DYNC1I1: variants seen among roughly 807,000 people sequenced by gnomAD.
DYNC1I1 encodes dynein cytoplasmic 1 intermediate chain 1.
A neutral mutation model predicts 86.6 loss-of-function variants in DYNC1I1; 43 were observed. The observed-to-expected ratio is 0.50, with a 90% CI of 0.39 to 0.64. The LOEUF (loss-of-function observed/expected upper bound fraction) is 0.64. Ranked by LOEUF, DYNC1I1 falls within the 30% of genes least tolerant of loss-of-function variation. The pLI is 0.00. For synonymous variants in DYNC1I1, 262 were observed against 283.7 expected (o/e 0.92, Z 0.77); for missense variants, 604 against 788.8 (o/e 0.77, Z 2.81).
At chr7:96,102,354 C>G (rs115594811), downstream of DYNC1I1, among the ~76,000 whole-genome samples, 1 of 152,188 alleles carries the variant, frequency 6.6e-6, no homozygotes, top group African/African-American at 2.4e-5. Flanking sequence ...ACTAATGTAC[C>G]AGATGCCTTG....
rs574109898 is a variant in DYNC1I1 at position 96,104,059 on chromosome 7, C to T, written c.1543-5920C>T. Among the ~76,000 whole-genome samples the T allele has an allele frequency of 5.3e-5, 8 of 152,214 alleles. No homozygotes were observed. In the South Asian group the frequency reaches 1.5e-3, roughly 28 times the overall value. ...CTGACTAATGATTTTGAGCATGTTT[C>T]GTGTGATTATTGGCCACATTTAATA... On this transcript the variant is annotated intron_variant, in intron 16 of 16. Transcript: ENST00000537881.
intron 10 of DYNC1I1, among the ~76,000 whole-genome samples, chr7:96,025,771 T>A (rs969531964): frequency 6.6e-6 from 1 of 150,696 alleles, no homozygotes; most frequent in Non-Finnish European, 1.5e-5. Context: ...ACTATGTGTT[T>A]CAGTTTTATA....
chr7:95,774,584 C>G (rs1445642599), intron 1 of DYNC1I1, among the ~76,000 whole-genome samples: 1 of 152,214 alleles, frequency 6.6e-6, no homozygotes, highest in Admixed American at 6.5e-5. Context: ...TTCTGACTAA[C>G]TTCGAAGAGA....
At position 95,982,387 on chromosome 7, in the gene DYNC1I1, A is replaced by G. The variant is rs952353178; in HGVS notation, c.581-2428A>G. Among the ~76,000 whole-genome samples, 2 of 152,126 alleles carry G rather than the reference A, an allele frequency of 1.3e-5. 1 individual carries two copies. On this transcript the variant is annotated intron_variant, in intron 7 of 16. Coordinates refer to ENST00000447467, the MANE Select transcript of DYNC1I1 (RefSeq NM_001135556.2). ...ATCTGGAGAGGCTAGTGCTCCACCT[A>G]CCTGAACTTGGCCTCTGCAAGCACA...
chr7:96,104,688 A>G (rs918626614), intron 16 of DYNC1I1, among the ~76,000 whole-genome samples: 3 of 152,264 alleles, frequency 2.0e-5, no homozygotes, highest in South Asian at 4.1e-4. Flanking sequence ...CCATATATGT[A>G]TAGGCATATT....
intron 14 of DYNC1I1, among the ~76,000 whole-genome samples, chr7:96,040,969 G>A (rs1359415258): frequency 6.6e-6 from 1 of 151,998 alleles, no homozygotes; most frequent in Non-Finnish European, 1.5e-5. Context: ...TGATCTGCCC[G>A]CCTTGTCCTG....
chr7:95,801,375 C>A (rs1794574160), intron 1 of DYNC1I1, among the ~76,000 whole-genome samples: 1 of 152,146 alleles, frequency 6.6e-6, no homozygotes, highest in Non-Finnish European at 1.5e-5. Context: ...AAGAAATTTT[C>A]TGAGAATACA....
Position 95,977,548 on chromosome 7 carries a change from T to A in DYNC1I1, c.527T>A (p.Val176Asp). ...GATGAGGAAATGGTGGAATCTAAAG[T>A]TGGCCAGGACTCAGAACTGGAAAAT... Reference protein sequence around the residue: ...EEDEEMVESKVGQDSELENQD... With the variant: ...EEDEEMVESKDGQDSELENQD... Residue 176 changes from valine to aspartate, a missense_variant, in exon 7 of 17, where the codon GTT becomes GAT. Transcript: ENST00000447467. The A allele has an allele frequency of 6.2e-7, 1 of 1,613,476 alleles. No homozygotes were observed. The highest frequency in any genetic ancestry group is 8.5e-7 in the Non-Finnish European group (1 of 1,179,750).
At chr7:96,011,876 A>G (rs1314363025) in intron 10 of DYNC1I1, among the ~76,000 whole-genome samples, 1 of 152,242 alleles carries the variant, frequency 6.6e-6, no homozygotes, top group Non-Finnish European at 1.5e-5. Context: ...AGCTACGGTT[A>G]ATTTAAAGAT....
At chr7:95,839,409 T>C (rs1171590755) in intron 5 of DYNC1I1, among the ~76,000 whole-genome samples, 2 of 152,224 alleles carry the variant, frequency 1.3e-5, no homozygotes, top group African/African-American at 4.8e-5. Context: ...AAATTTATTA[T>C]AGTGAGCTGA....
intron 4 of DYNC1I1, among the ~76,000 whole-genome samples, chr7:95,820,103 G>A (rs889435553): frequency 1.3e-5 from 2 of 152,160 alleles, no homozygotes; most frequent in Non-Finnish European, 2.9e-5. Flanking sequence ...GGGCTCAGGT[G>A]TTAGCCAACA....
At chr7:95,941,512 G>A (rs1366343524) in intron 6 of DYNC1I1, among the ~76,000 whole-genome samples, 4 of 152,148 alleles carry the variant, frequency 2.6e-5, no homozygotes, top group Admixed American at 1.3e-4. Context: ...AATGGCGGGC[G>A]CCCCTCCCCC....
chr7:95,963,521 A>AGCATGAAACTGAAAT (rs1156769333), intron 6 of DYNC1I1, among the ~76,000 whole-genome samples: 1 of 152,210 alleles, frequency 6.6e-6, no homozygotes, highest in Non-Finnish European at 1.5e-5. Flanking sequence ...GACTGAGAAC[A>AGCATGAAACTGAAAT]GGCAAAAAAT....
intron 5 of DYNC1I1, among the ~76,000 whole-genome samples, chr7:95,835,690 CTCT>C (rs1021445502): frequency 6.6e-6 from 1 of 152,074 alleles, no homozygotes; most frequent in African/African-American, 2.4e-5. Flanking sequence ...GGATAGTTAG[CTCT>C]TCTTGTTGAA....
At chr7:95,793,774 C>T (rs1794368356) in intron 1 of DYNC1I1, among the ~76,000 whole-genome samples, 1 of 152,178 alleles carries the variant, frequency 6.6e-6, no homozygotes, top group African/African-American at 2.4e-5. Context: ...GACCAATGTC[C>T]AGGGGCCATC....
At chr7:96,094,597 A>C (rs1790947074) in intron 16 of DYNC1I1, among the ~76,000 whole-genome samples, 1 of 152,196 alleles carries the variant, frequency 6.6e-6, no homozygotes, top group African/African-American at 2.4e-5. Flanking sequence ...GCCAAAAATT[A>C]TTACTTTGGG....
At chr7:95,849,518 G>A (rs1789522395) in intron 5 of DYNC1I1, among the ~76,000 whole-genome samples, 1 of 151,968 alleles carries the variant, frequency 6.6e-6, no homozygotes, top group South Asian at 2.1e-4. Flanking sequence ...AAAAAAAATT[G>A]GTTGGCTGTA....
At position 96,054,070 on chromosome 7, in the gene DYNC1I1, G is replaced by A. The variant is rs867194139; in HGVS notation, c.1509+14649G>A. Among the ~76,000 whole-genome samples the A allele has an allele frequency of 8.5e-5, 13 of 152,184 alleles. No homozygotes were observed. The South Asian group carries it at 1.5e-3, about 17-fold the overall frequency. On this transcript the variant is annotated intron_variant, in intron 14 of 16. Coordinates refer to ENST00000447467, the MANE Select transcript of DYNC1I1 (RefSeq NM_001135556.2). ...AGGTTTGTTATATACACGTGCCATG[G>A]TGGTTTGCTGCACCCATCAACCCGT...
intron 1 of DYNC1I1, among the ~76,000 whole-genome samples, chr7:95,773,712 G>A (rs1468783284): frequency 6.6e-6 from 1 of 152,162 alleles, no homozygotes; most frequent in Non-Finnish European, 1.5e-5. Flanking sequence ...TAGACTTATT[G>A]TAGTTCAGAG....
Sources: allele counts gnomAD v4.1 joint callset (sites outside exome capture counted in the v4.1 genomes callset), GRCh38; gene constraint gnomAD v4.1.1; transcripts MANE v1.5; gene names NCBI Gene and HGNC (gene_info 2026-07-23, HGNC 2026-07-21).